The following NAV2 variants were observed in gnomAD, a reference collection of about 807,000 sequenced individuals.
NAV2 encodes neuron navigator 2, also known as helicase, APC down-regulated 1.
A neutral mutation model predicts 223.2 loss-of-function variants in NAV2; 54 were observed. The observed-to-expected ratio is 0.24, with a 90% CI of 0.19 to 0.30. The LOEUF is 0.30. Among genes scored for constraint, NAV2 ranks in the 10% least tolerant of loss-of-function variants. The pLI is 1.00. For missense variants in NAV2, 2,806 were observed against 3,147.5 expected, an observed-to-expected ratio of 0.89 and a Z score of 2.60; for synonymous variants, 1,279 against 1,239.3, an observed-to-expected ratio of 1.03 and a Z score of -0.67.
At chr11:19,570,750 G>A (rs1118464) in intron 1 of NAV2, among the ~76,000 whole-genome samples, 63,343 of 151,990 alleles carry the variant, frequency 0.42, 14,167 homozygotes, top group East Asian at 0.67. Flanking sequence ...CTTCACACAC[G>A]CTAGGATGGC....
intron 1 of NAV2, among the ~76,000 whole-genome samples, chr11:19,587,177 CA>C (rs2045929026): frequency 6.6e-6 from 1 of 152,194 alleles, no homozygotes; most frequent in African/African-American, 2.4e-5. Flanking sequence ...CCCTCCGAGC[CA>C]GGTGCAGGAT....
chr11:19,703,360 T>C (rs754279897), intron 1 of NAV2, among the ~76,000 whole-genome samples: 15 of 152,214 alleles, frequency 9.9e-5, no homozygotes, highest in Non-Finnish European at 2.1e-4. Flanking sequence ...CCAGGCTCCA[T>C]GCCTGGGGCA....
At chr11:19,913,347 T>C (rs2043483500) in intron 6 of NAV2, among the ~76,000 whole-genome samples, 2 of 152,184 alleles carry the variant, frequency 1.3e-5, no homozygotes, top group Non-Finnish European at 2.9e-5. Flanking sequence ...TCCCAGTCTG[T>C]AATATCCCAT....
chr11:19,704,110 T>C (rs1021227108), intron 1 of NAV2, among the ~76,000 whole-genome samples: 1 of 152,174 alleles, frequency 6.6e-6, no homozygotes, highest in Non-Finnish European at 1.5e-5. Flanking sequence ...CTGGTCGAAG[T>C]TGTCTTTGCC....
chr11:20,008,524 C>G (rs908106302), intron 11 of NAV2, among the ~76,000 whole-genome samples: 1 of 152,174 alleles, frequency 6.6e-6, no homozygotes, highest in African/African-American at 2.4e-5. Flanking sequence ...AGCAAACAAG[C>G]ATGCTTGCCA....
At chr11:19,496,579 GTGTATTTTA>G (rs2042800807) in intron 1 of NAV2, among the ~76,000 whole-genome samples, 1 of 152,210 alleles carries the variant, frequency 6.6e-6, no homozygotes, top group African/African-American at 2.4e-5. Flanking sequence ...AGATGCCCCA[GTGTATTTTA>G]TGATCTAGCC....
At chr11:19,869,890 A>G (rs1413304151) in intron 4 of NAV2, among the ~76,000 whole-genome samples, 1 of 152,182 alleles carries the variant, frequency 6.6e-6, no homozygotes, top group African/African-American at 2.4e-5. Context: ...TGCAAGCATG[A>G]TGGATTCCAT....
intron 27 of NAV2, 141 bp downstream of exon 27, chr11:20,091,159 T>C (rs2060822088): frequency 6.8e-6 from 5 of 739,604 alleles, no homozygotes; most frequent in Non-Finnish European, 8.6e-6. Context: ...TTTCAGTCCC[T>C]CCCACACATT....
chr11:19,636,372 G>A (rs2047501197), intron 1 of NAV2, among the ~76,000 whole-genome samples: 1 of 152,114 alleles, frequency 6.6e-6, no homozygotes, highest in Non-Finnish European at 1.5e-5. Flanking sequence ...TGTAACTTAA[G>A]GGCTCATCAC....
intron 1 of NAV2, among the ~76,000 whole-genome samples, chr11:19,417,888 C>T (rs1221504409): frequency 6.6e-6 from 1 of 152,106 alleles, no homozygotes; most frequent in Non-Finnish European, 1.5e-5. Context: ...CCAAACACCA[C>T]ATGTTCTCAC....
At chr11:19,967,782 A>T (rs1271044721) in intron 10 of NAV2, among the ~76,000 whole-genome samples, 1 of 152,154 alleles carries the variant, frequency 6.6e-6, no homozygotes, top group Non-Finnish European at 1.5e-5. Flanking sequence ...GATCTTTCAA[A>T]GGTCTTTCAG....
intron 1 of NAV2, among the ~76,000 whole-genome samples, chr11:19,452,272 A>C (rs1238675233): frequency 6.6e-6 from 1 of 152,212 alleles, no homozygotes; most frequent in Non-Finnish European, 1.5e-5. Flanking sequence ...TAAGAATCAA[A>C]TAGTTATGGA....
At chr11:19,576,234 A>G (rs182251351) in intron 1 of NAV2, among the ~76,000 whole-genome samples, 2 of 152,312 alleles carry the variant, frequency 1.3e-5, no homozygotes, top group Non-Finnish European at 2.9e-5. Context: ...TTGGCCAGAG[A>G]CTGGGCAGCC....
At chr11:19,834,453 C>T (rs548545215) in intron 2 of NAV2, among the ~76,000 whole-genome samples, 2 of 152,300 alleles carry the variant, frequency 1.3e-5, no homozygotes, top group African/African-American at 4.8e-5. Flanking sequence ...TCCTCCTTCA[C>T]TTTAGTAACC....
In NAV2 at chr11:19,948,863, G is replaced by A. The variant is rs372964633; in HGVS notation, c.2428G>A (p.Ala810Thr). ...CAATGGGTATCCCCCTCGAGCCAACGCCAGCAGGTTCATCAACACTGAGTC... is the reference window on the plus strand; with the variant it reads ...CAATGGGTATCCCCCTCGAGCCAACACCAGCAGGTTCATCAACACTGAGTC... ...MGNGYPPRAN[A>T]SRFINTESGR... The change falls in exon 10 of 38, where the codon GCC becomes ACC. Residue 810 changes from alanine (A) to threonine (T), a missense_variant. Physicochemically the swap from Ala to Thr is moderately conservative, Grantham distance 58 (BLOSUM62 0). Around this residue, in one of 4 missense-constraint regions of NAV2, gnomAD observed 1,167 missense variants for 1,180.5 expected, o/e 0.99. Coordinates refer to ENST00000349880, the MANE Select transcript of NAV2 (RefSeq NM_145117.5). 20 of 1,614,054 alleles carry A rather than the reference G, an allele frequency of 1.2e-5. No individual in the cohort carries two copies. The highest frequency in any genetic ancestry group is 1.6e-4 in the Middle Eastern group (1 of 6,062).
At chr11:19,555,278 G>A (rs937864299) in intron 1 of NAV2, among the ~76,000 whole-genome samples, 1 of 152,214 alleles carries the variant, frequency 6.6e-6, no homozygotes, top group Non-Finnish European at 1.5e-5. Context: ...TAGGTCTGGG[G>A]CTGGGAAGAG....
At chr11:19,580,101 TCTGA>T (rs1166534280) in intron 1 of NAV2, among the ~76,000 whole-genome samples, 4 of 152,242 alleles carry the variant, frequency 2.6e-5, no homozygotes, top group African/African-American at 9.6e-5. Context: ...TCTGTGGCAC[TCTGA>T]CTGGTGCTGT....
chr11:20,094,770 G>C (rs1292440514), intron 29 of NAV2, among the ~76,000 whole-genome samples: 3 of 152,186 alleles, frequency 2.0e-5, no homozygotes, highest in Non-Finnish European at 4.4e-5. Context: ...GGGGCAAGTG[G>C]TGGGGTCAGA....
Position 19,993,078 on chromosome 11 carries a change from A to G in NAV2, c.2768+8831A>G, listed in dbSNP as rs569399203. 1.1e-3 allele frequency among the ~76,000 whole-genome samples: 170 copies of G among 152,332 alleles called. 1 individual carries two copies. Among genetic ancestry groups the G allele is most frequent in the African/African-American group, 3.9e-3 (162 of 41,580 alleles). Reference sequence around the variant, plus strand: ...GCCAACTCCCCTGGTCACCCAAAGCATAGGCCCCAATCCCAAGTCAGAATT... The same window carrying G: ...GCCAACTCCCCTGGTCACCCAAAGCGTAGGCCCCAATCCCAAGTCAGAATT... On this transcript the variant is annotated intron_variant, in intron 11 of 37. Transcript: ENST00000349880.
Sources: allele counts gnomAD v4.1 joint callset (sites outside exome capture counted in the v4.1 genomes callset), GRCh38; gene constraint gnomAD v4.1.1; regional missense constraint gnomAD v4.1.1; transcripts MANE v1.5; gene names NCBI Gene and HGNC (gene_info 2026-07-23, HGNC 2026-07-21).